Variants in CYP4X1 observed in about 807,000 individuals in gnomAD.
CYP4X1 encodes the protein cytochrome P450 family 4 subfamily X member 1.
Under a neutral mutation model 57.9 loss-of-function variants are expected in CYP4X1, and 44 were observed. That is an observed-to-expected ratio of 0.76 (90% CI 0.60 to 0.98). The LOEUF is 0.98. Among genes scored for constraint, CYP4X1 ranks in the 50% least tolerant of loss-of-function variants. CYP4X1 has a pLI of 0.00. For synonymous variants in CYP4X1, 227 were observed against 228.6 expected, an observed-to-expected ratio of 0.99 and a Z score of 0.06; for missense variants, 532 against 623.9, an observed-to-expected ratio of 0.85 and a Z score of 1.57.
At chr1:47,008,862 A>T in the CYP4X1 span, among the ~76,000 whole-genome samples, 58 of 152,334 alleles carry the variant, frequency 3.8e-4, no homozygotes, top group Admixed American at 6.5e-4. Context: ...ATACAACAAG[A>T]AGAGCTAACT....
chr1:46,981,020 A>G, the CYP4X1 span, among the ~76,000 whole-genome samples: 1 of 152,222 alleles, frequency 6.6e-6, no homozygotes, highest in African/African-American at 2.4e-5. Flanking sequence ...ACCTAAAACC[A>G]TAAAAACCTT....
chr1:46,980,716 C>T, the CYP4X1 span, among the ~76,000 whole-genome samples: 5 of 152,186 alleles, frequency 3.3e-5, no homozygotes, highest in African/African-American at 1.2e-4. Flanking sequence ...ATCATACTAC[C>T]TGACTTCAAA....
chr1:47,044,960 G>C (rs1644285448), intron 8 of CYP4X1, among the ~76,000 whole-genome samples: 1 of 151,906 alleles, frequency 6.6e-6, no homozygotes, highest in African/African-American at 2.4e-5. Context: ...TGAGTAGCTG[G>C]GATTACAGGC....
At chr1:47,007,215 C>A in the CYP4X1 span, among the ~76,000 whole-genome samples, 1 of 152,186 alleles carries the variant, frequency 6.6e-6, no homozygotes, top group Non-Finnish European at 1.5e-5. Context: ...GCCAGGTACT[C>A]CTCTGAGACA....
chr1:47,025,202 T>C (rs928436525), intron 1 of CYP4X1, among the ~76,000 whole-genome samples: 2 of 152,112 alleles, frequency 1.3e-5, no homozygotes, highest in African/African-American at 4.8e-5. Flanking sequence ...GAACTGATTG[T>C]TGAAAAGAGC....
chr1:47,020,857 A>G (rs1362949779), upstream of CYP4X1, among the ~76,000 whole-genome samples: 7 of 152,164 alleles, frequency 4.6e-5, no homozygotes, highest in Non-Finnish European at 1.0e-4. Context: ...AAGGTTAGTT[A>G]CCTTGCACTG....
rs1553152516 is a variant in CYP4X1 at position 47,036,370 on chromosome 1, T to TATATA, written c.775+199_775+200insATATA. The stretch of plus-strand genomic sequence containing the variant: ...AACCATAGCAGTATTATCAGAATTT[T>TATATA]TATATATATATATATACACTATTTT... On this transcript the variant is annotated intron_variant, in intron 6 of 11. Transcript: ENST00000371901. Among the ~76,000 whole-genome samples the TATATA allele has an allele frequency of 4.5e-4, 59 of 129,836 alleles. 2 individuals are homozygous for TATATA. The highest frequency in any genetic ancestry group is 1.8e-3 in the Admixed American group (23 of 12,816). 85.2% of individuals were successfully genotyped at this position (129,836 alleles called of 152,430 possible). A position where few individuals can be genotyped will look rare whatever the true frequency, so the allele number is the denominator to read the frequency against.
chr1:46,992,534 C>T, the CYP4X1 span, among the ~76,000 whole-genome samples: 1 of 152,190 alleles, frequency 6.6e-6, no homozygotes, highest in Non-Finnish European at 1.5e-5. Context: ...GCTATTTTCA[C>T]TTAGCATACT....
chr1:46,984,095 A>C, the CYP4X1 span, among the ~76,000 whole-genome samples: 1 of 121,970 alleles, frequency 8.2e-6, no homozygotes, highest in Admixed American at 9.0e-5. Flanking sequence ...GTCAGTCTGG[A>C]GGCCCAGGGG....
the CYP4X1 span, among the ~76,000 whole-genome samples, chr1:46,998,519 C>T: frequency 6.6e-6 from 1 of 152,064 alleles, no homozygotes; most frequent in Non-Finnish European, 1.5e-5. Flanking sequence ...ATTTTCTCCC[C>T]TCCTGTAGGT....
the CYP4X1 span, among the ~76,000 whole-genome samples, chr1:46,974,902 C>A: frequency 6.6e-6 from 1 of 151,650 alleles, no homozygotes. Flanking sequence ...TAAAAATTGC[C>A]ACTCTGTGCT....
At chr1:47,043,257 T>G (rs1023272460) in intron 8 of CYP4X1, among the ~76,000 whole-genome samples, 1 of 152,194 alleles carries the variant, frequency 6.6e-6, no homozygotes, top group African/African-American at 2.4e-5. Context: ...GTACATCTTC[T>G]TTTGAGAATT....
the CYP4X1 span, among the ~76,000 whole-genome samples, chr1:46,962,245 T>C: frequency 6.6e-6 from 1 of 152,108 alleles, no homozygotes; most frequent in African/African-American, 2.4e-5. Flanking sequence ...GCCTCCCAAG[T>C]AGCTGGGATT....
At chr1:46,978,105 G>A in the CYP4X1 span, among the ~76,000 whole-genome samples, 5 of 152,172 alleles carry the variant, frequency 3.3e-5, no homozygotes, top group Non-Finnish European at 7.3e-5. Flanking sequence ...ATAATGACAG[G>A]ATCAAATTCA....
intron 2 of CYP4X1, among the ~76,000 whole-genome samples, chr1:47,030,523 T>C (rs901264537): frequency 2.0e-5 from 3 of 152,194 alleles, no homozygotes; most frequent in Admixed American, 2.0e-4. Flanking sequence ...TGGTTCAGTA[T>C]GAAAGCCTGA....
At chr1:46,990,659 A>G in the CYP4X1 span, among the ~76,000 whole-genome samples, 1 of 152,250 alleles carries the variant, frequency 6.6e-6, no homozygotes, top group African/African-American at 2.4e-5. Flanking sequence ...CCAAATGCCC[A>G]TCAATGATAG....
the CYP4X1 span, among the ~76,000 whole-genome samples, chr1:46,991,703 C>T: frequency 1.4e-4 from 22 of 152,216 alleles, no homozygotes; most frequent in South Asian, 4.2e-4. Context: ...CCAAAGCAAG[C>T]GCAGAGCAAA....
the CYP4X1 span, among the ~76,000 whole-genome samples, chr1:47,005,107 G>A: frequency 6.6e-6 from 1 of 152,182 alleles, no homozygotes; most frequent in African/African-American, 2.4e-5. Context: ...CTCAAAGGGG[G>A]ATGCCCTGAG....
intron 1 of CYP4X1, 106 bp from the exon 2 acceptor site, chr1:47,029,884 G>C (rs769763218): frequency 7.9e-7 from 1 of 1,268,186 alleles, no homozygotes; most frequent in African/African-American, 1.5e-5. Flanking sequence ...AAAGTCTCAG[G>C]CTCCTCTGCT....
Sources: gnomAD v4.1 joint callset for allele counts (sites outside exome capture counted in the v4.1 genomes callset) on GRCh38, gnomAD v4.1.1 for gene constraint, MANE v1.5 for transcripts, NCBI Gene and HGNC (gene_info 2026-07-23, HGNC 2026-07-21) for gene names.